Variants in EPHB1 observed in about 807,000 individuals in gnomAD.
The protein encoded by EPHB1 is EPH receptor B1.
Under a neutral mutation model 94.4 loss-of-function variants are expected in EPHB1, and 30 were observed. The observed-to-expected ratio is 0.32, with a 90% confidence interval of 0.24 to 0.43. The LOEUF is 0.43. Among genes scored for constraint, EPHB1 ranks in the 20% least tolerant of loss-of-function variants. EPHB1 has a pLI of 1.00. For synonymous variants in EPHB1, 522 were observed against 489.1 expected (o/e 1.07, Z -0.89); for missense variants, 1,055 against 1,308.3 (o/e 0.81, Z 2.99).
chr3:135,060,477 A>G (rs1016811834), intron 3 of EPHB1, among the ~76,000 whole-genome samples: 14 of 152,186 alleles, frequency 9.2e-5, no homozygotes, highest in African/African-American at 3.4e-4. Flanking sequence ...AAATAATGCT[A>G]CTACAAGTAT....
At chr3:135,158,079 G>A (rs1941406631) in intron 6 of EPHB1, among the ~76,000 whole-genome samples, 1 of 152,112 alleles carries the variant, frequency 6.6e-6, no homozygotes, top group South Asian at 2.1e-4. Flanking sequence ...AAATTAGTGT[G>A]GCTCCCAAAA....
rs114400888 is a variant in EPHB1, at chr3:134,989,622, A to G, written c.805+37570A>G. Among the ~76,000 whole-genome samples, 1,195 of 152,330 alleles carry G rather than the reference A, an allele frequency of 7.8e-3. 17 individuals carry two copies. Among genetic ancestry groups the G allele is most frequent in the African/African-American group, 0.027 (1,135 of 41,558 alleles). On this transcript the variant is annotated intron_variant, in intron 3 of 15. Transcript: ENST00000398015. ...TATAAGCTATCTTCACTGTAACTAG[A>G]AAGATGGATGGCAAGTCAAAACTAA...
At chr3:135,059,854 G>A (rs369098517) in intron 3 of EPHB1, among the ~76,000 whole-genome samples, 29 of 152,258 alleles carry the variant, frequency 1.9e-4, no homozygotes, top group African/African-American at 6.7e-4. Context: ...CCCATGGCCC[G>A]TTTGGGCCTC....
chr3:134,870,849 G>A (rs1272052147), intron 1 of EPHB1, among the ~76,000 whole-genome samples: 2 of 152,246 alleles, frequency 1.3e-5, no homozygotes, highest in Admixed American at 1.3e-4. Flanking sequence ...TTTTTATACT[G>A]TGTGTGGAAA....
chr3:134,903,468 G>A (rs975223052), intron 1 of EPHB1, among the ~76,000 whole-genome samples: 4 of 152,208 alleles, frequency 2.6e-5, no homozygotes, highest in East Asian at 1.9e-4. Context: ...ATGTGCTGAC[G>A]TGCACAGTGA....
At chr3:135,258,893 G>A (rs1260358221) in intron 15 of EPHB1, 119 bp from the exon 16 acceptor site, 2 of 876,290 alleles carry the variant, frequency 2.3e-6, no homozygotes, top group Non-Finnish European at 3.6e-6. Context: ...GTAAACTTAA[G>A]CTAGTTGGAT....
intron 3 of EPHB1, among the ~76,000 whole-genome samples, chr3:134,971,543 T>C (rs1933969571): frequency 6.6e-6 from 1 of 152,208 alleles, no homozygotes; most frequent in African/African-American, 2.4e-5. Flanking sequence ...TTATTTGTAG[T>C]GCAGGGAGCA....
At chr3:135,088,507 G>A (rs1041306411) in intron 3 of EPHB1, among the ~76,000 whole-genome samples, 1 of 152,194 alleles carries the variant, frequency 6.6e-6, no homozygotes, top group Non-Finnish European at 1.5e-5. Context: ...ATAAGTCCGG[G>A]TTGGATGGCA....
chr3:135,145,886 A>G (rs1189821825), intron 5 of EPHB1, among the ~76,000 whole-genome samples: 5 of 152,206 alleles, frequency 3.3e-5, no homozygotes, highest in African/African-American at 4.8e-5. Context: ...TGTTAGAACT[A>G]AGGGATTTTC....
At chr3:135,184,384 T>C (rs1222374970) in intron 10 of EPHB1, among the ~76,000 whole-genome samples, 2 of 152,190 alleles carry the variant, frequency 1.3e-5, no homozygotes, top group African/African-American at 4.8e-5. Context: ...AAAAATATAA[T>C]AATTGTGAGC....
At chr3:135,125,058 G>A (rs1464331207) in intron 4 of EPHB1, among the ~76,000 whole-genome samples, 2 of 151,698 alleles carry the variant, frequency 1.3e-5, no homozygotes, top group South Asian at 2.1e-4. Context: ...GCAGATTGCA[G>A]ACAATGCTTG....
At chr3:134,909,734 A>C (rs1424665101) in intron 1 of EPHB1, among the ~76,000 whole-genome samples, 1 of 152,218 alleles carries the variant, frequency 6.6e-6, no homozygotes, top group Non-Finnish European at 1.5e-5. Flanking sequence ...TTGAGGCCAC[A>C]GCCCCTCAAG....
Position 134,890,889 on chromosome 3 carries a change from C to T in EPHB1, c.59-34927C>T, listed in dbSNP as rs774064420. On this transcript the variant is annotated intron_variant, in intron 1 of 15. Coordinates refer to ENST00000398015, the MANE Select transcript of EPHB1 (RefSeq NM_004441.5). ...TTGTTTGTAATGATAAAAACCATTG[C>T]TTTCTATATATGACTTTAATAGCCT... Among the ~76,000 whole-genome samples the T allele has an allele frequency of 2.1e-4, 32 of 151,954 alleles. 1 individual carries two copies. The highest frequency in any genetic ancestry group is 1.4e-3 in the Admixed American group (22 of 15,256).
chr3:135,024,371 T>C (rs1936075190), intron 3 of EPHB1, among the ~76,000 whole-genome samples: 1 of 152,228 alleles, frequency 6.6e-6, no homozygotes, highest in Non-Finnish European at 1.5e-5. Context: ...GTTGCTCTAG[T>C]TGTGAAAATA....
intron 4 of EPHB1, among the ~76,000 whole-genome samples, chr3:135,112,853 C>T (rs952759005): frequency 2.6e-5 from 4 of 152,034 alleles, no homozygotes; most frequent in African/African-American, 9.7e-5. Context: ...TTTCAAAAGT[C>T]GACCTTTTGA....
At chr3:135,068,104 G>A (rs2107780347) in intron 3 of EPHB1, among the ~76,000 whole-genome samples, 1 of 152,260 alleles carries the variant, frequency 6.6e-6, no homozygotes, top group Admixed American at 6.5e-5. Context: ...GAGGGTCTGT[G>A]TGTCCTCTCG....
chr3:135,190,965 G>A (rs1487537149), intron 10 of EPHB1, among the ~76,000 whole-genome samples: 1 of 152,134 alleles, frequency 6.6e-6, no homozygotes, highest in African/African-American at 2.4e-5. Context: ...GTTGCAGCCA[G>A]GTGCAGTGGT....
chr3:135,106,093 C>A (rs1008420888), intron 3 of EPHB1, among the ~76,000 whole-genome samples: 11 of 152,096 alleles, frequency 7.2e-5, no homozygotes, highest in Non-Finnish European at 1.5e-4. Context: ...TGGATGTTAA[C>A]CAGGTAGACA....
chr3:134,994,986 T>TTGTG (rs57873051), intron 3 of EPHB1, among the ~76,000 whole-genome samples: 5,928 of 148,410 alleles, frequency 0.04, 158 homozygotes, highest in African/African-American at 0.079. Flanking sequence ...TTACATACAC[T>TTGTG]TGTGTGTGTG....
Sources: allele counts gnomAD v4.1 joint callset (sites outside exome capture counted in the v4.1 genomes callset), GRCh38; gene constraint gnomAD v4.1.1; transcripts MANE v1.5; gene names NCBI Gene and HGNC (gene_info 2026-07-23, HGNC 2026-07-21).